The following GRID2IP variants were observed in gnomAD, a reference collection of about 807,000 sequenced individuals.
GRID2IP encodes the protein delphilin.
Under a neutral mutation model 114.3 loss-of-function variants are expected in GRID2IP, and 78 were observed. That is an observed-to-expected ratio of 0.68 (90% CI 0.57 to 0.82). The LOEUF is 0.82. Among genes scored for constraint, GRID2IP ranks in the 40% least tolerant of loss-of-function variants. The probability of loss-of-function intolerance (pLI) is 0.00; values close to 1 mark genes in which losing one functional copy is unlikely to be tolerated. For missense variants in GRID2IP, 1,727 were observed against 1,678.5 expected, an observed-to-expected ratio of 1.03 and a Z score of -0.51; for synonymous variants, 809 against 724.0, an observed-to-expected ratio of 1.12 and a Z score of -1.89.
intron 2 of GRID2IP, among the ~76,000 whole-genome samples, chr7:6,538,561 T>C (rs1009511146): frequency 1.1e-4 from 17 of 148,060 alleles, no homozygotes; most frequent in African/African-American, 4.0e-4. Context: ...AGCGAGACCC[T>C]GTCTCAAAAC....
In GRID2IP at chr7:6,521,793, T is replaced by C. The variant is rs1253316352; in HGVS notation, c.989+95A>G. The C allele has an allele frequency of 2.2e-6, 2 of 928,164 alleles. No individual in the cohort carries two copies. Among genetic ancestry groups the C allele is most frequent in the Non-Finnish European group, 3.4e-6 (2 of 591,816 alleles). The allele number at this position is 928,164 out of a possible 1,614,324, so 57.5% of individuals were successfully genotyped here. A position where few individuals can be genotyped will look rare whatever the true frequency, so the allele number is the denominator to read the frequency against. On this transcript the variant is annotated intron_variant, in intron 5 of 21. Coordinates refer to ENST00000457091, the MANE Select transcript of GRID2IP (RefSeq NM_001145118.2). This position sits in a 1 kb window ranked among gnomAD's most constrained non-coding sequence, Gnocchi z 4.1. ...CTGGGGACCAAATGGTGAGAGGAGA[T>C]TGTGATCACAGCCTGGGTGCCCCAA... is the stretch of plus-strand genomic sequence containing the variant.
In GRID2IP at chr7:6,511,122, T is replaced by A. The variant is rs567929755; in HGVS notation, c.1424-83A>T. 9 of 1,314,040 alleles carry A rather than the reference T, an allele frequency of 6.8e-6. No homozygotes were observed. In the African/African-American group the frequency reaches 1.2e-4, roughly 18 times the overall value. 81.4% of individuals were successfully genotyped at this position (1,314,040 alleles called of 1,614,324 possible). A position where few individuals can be genotyped will look rare whatever the true frequency, so the allele number is the denominator to read the frequency against. On this transcript the variant is annotated intron_variant, in intron 8 of 21. Transcript: ENST00000457091. ...TCCAAAACAGGGAGGGGAGGGCAGA[T>A]GTCATCTGCACCAATATGCAGACCC...
At chr7:6,539,245 C>T (rs1779777157) in intron 2 of GRID2IP, among the ~76,000 whole-genome samples, 1 of 152,052 alleles carries the variant, frequency 6.6e-6, no homozygotes, top group Admixed American at 6.6e-5. Context: ...CCTCCAGCCT[C>T]AGCCTCCCAA....
In GRID2IP at chr7:6,505,737, T is replaced by C. The variant is rs371028692; in HGVS notation, c.2632+83A>G. The C allele has an allele frequency of 1.9e-4, 166 of 851,938 alleles. No individual in the cohort carries two copies. The African/African-American group carries it at 2.4e-3, about 12-fold the overall frequency. The allele number at this position is 851,938 out of a possible 1,614,324, so 52.8% of individuals were successfully genotyped here. A position where few individuals can be genotyped will look rare whatever the true frequency, so the allele number is the denominator to read the frequency against. On this transcript the variant is annotated intron_variant, in intron 14 of 21. Coordinates refer to ENST00000457091, the MANE Select transcript of GRID2IP (RefSeq NM_001145118.2). ...ACGCATCAGGTTAAATAGTAGTCAG[T>C]GCAGCCCTGGGAGATGCTAAGCCTG...
chr7:6,512,373 C>G (rs1307480220), intron 8 of GRID2IP, among the ~76,000 whole-genome samples: 1 of 151,490 alleles, frequency 6.6e-6, no homozygotes, highest in Non-Finnish European at 1.5e-5. Flanking sequence ...AGGTGTGTGC[C>G]ACCACACCCA....
intron 7 of GRID2IP, among the ~76,000 whole-genome samples, 189 bp from the exon 8 acceptor site, chr7:6,514,718 G>A (rs141977101): frequency 2.3e-3 from 351 of 152,218 alleles, no homozygotes; most frequent in African/African-American, 7.9e-3. Flanking sequence ...TTGAGAGGCC[G>A]AGGCAGGTGG....
intron 9 of GRID2IP, 67 bp from the exon 10 acceptor site, chr7:6,510,773 TG>T (rs1430484963): frequency 2.7e-6 from 4 of 1,485,512 alleles, no homozygotes; most frequent in Non-Finnish European, 3.7e-6. Flanking sequence ...AGAACCAACA[TG>T]CCCCGCAGAC....
Position 6,506,053 on chromosome 7 carries a change from G to C in GRID2IP, c.2545-146C>G, listed in dbSNP as rs1786576221. Reference sequence around the variant, plus strand: ...TGGGATAAAGCCCGGAGCAGGAGGAGACTGCAGGAGAAGCCAGATCATCCG... The same window carrying C: ...TGGGATAAAGCCCGGAGCAGGAGGACACTGCAGGAGAAGCCAGATCATCCG... On this transcript the variant is annotated intron_variant, in intron 13 of 21. Coordinates refer to ENST00000457091, the MANE Select transcript of GRID2IP (RefSeq NM_001145118.2). The surrounding 1 kb of genome is among the most constrained non-coding windows in gnomAD (Gnocchi z 5.2). The C allele has an allele frequency of 3.2e-6, 2 of 620,084 alleles. No individual in the cohort carries two copies. Among genetic ancestry groups the C allele is most frequent in the African/African-American group, 1.8e-5 (1 of 54,402 alleles). 38.4% of individuals were successfully genotyped at this position (620,084 alleles called of 1,614,324 possible). A position where few individuals can be genotyped will look rare whatever the true frequency, so the allele number is the denominator to read the frequency against.
rs1786293315 is a variant in GRID2IP at position 6,497,693 on chromosome 7, C to T, written c.*81G>A. ...TGCTCAGAGCCCGGGGCACAGTGGC[C>T]CCGGACCTCGGCAGTGTCTGGGCTG... On this transcript the variant is annotated 3_prime_UTR_variant, in exon 22 of 22. Coordinates refer to ENST00000457091, the MANE Select transcript of GRID2IP (RefSeq NM_001145118.2). The T allele has an allele frequency of 1.9e-6, 2 of 1,069,258 alleles. No homozygotes were observed. The highest frequency in any genetic ancestry group is 2.4e-5 in the Admixed American group (1 of 41,074). The allele number at this position is 1,069,258 out of a possible 1,614,324, so 66.2% of individuals were successfully genotyped here. A position where few individuals can be genotyped will look rare whatever the true frequency, so the allele number is the denominator to read the frequency against.
Position 6,505,902 on chromosome 7 carries a change from C to T in GRID2IP, c.2550G>A (p.Gly850=), listed in dbSNP as rs1375881780. ...NSEGTIWGQL[G]EDSDYDKLSD... Reference sequence around the variant, plus strand: ...TCAGCTTATCGTAGTCAGAGTCTTCCCCGAGCTGCGAGGGAGGATGGGAGG... The same window carrying T: ...TCAGCTTATCGTAGTCAGAGTCTTCTCCGAGCTGCGAGGGAGGATGGGAGG... The change falls in exon 14 of 22, where the codon GGG becomes GGA. Residue 850 remains glycine (G), a synonymous_variant. Coordinates refer to ENST00000457091, the MANE Select transcript of GRID2IP (RefSeq NM_001145118.2). 1.9e-6 allele frequency: 3 copies of T among 1,551,170 alleles called. No individual in the cohort carries two copies. The highest frequency in any genetic ancestry group is 1.4e-5 in the African/African-American group (1 of 73,026).
Position 6,520,779 on chromosome 7 carries a change from G to A in GRID2IP, c.1085-18C>T, listed in dbSNP as rs773277243. The stretch of plus-strand genomic sequence containing the variant: ...ATCGGAGTCTGCTGGGACCACAGGC[G>A]GGAGAGGCATGAGTGACTCAGAGTC... On this transcript the variant is annotated intron_variant, in intron 6 of 21. Transcript: ENST00000457091. The surrounding 1 kb of genome is among the most constrained non-coding windows in gnomAD (Gnocchi z 4.6). The A allele has an allele frequency of 1.2e-5, 18 of 1,543,802 alleles. 1 individual carries two copies. Among genetic ancestry groups the A allele is most frequent in the African/African-American group, 8.2e-5 (6 of 72,924 alleles).
Position 6,536,761 on chromosome 7 carries a change from T to C in GRID2IP, c.584+2957A>G, listed in dbSNP as rs536766631. 2.9e-6 allele frequency: 2 copies of C among 701,158 alleles called. No individual in the cohort carries two copies. Among genetic ancestry groups the C allele is most frequent in the South Asian group, 3.0e-5 (2 of 67,532 alleles). The allele number at this position is 701,158 out of a possible 1,614,324, so 43.4% of individuals were successfully genotyped here. A position where few individuals can be genotyped will look rare whatever the true frequency, so the allele number is the denominator to read the frequency against. On this transcript the variant is annotated intron_variant, in intron 2 of 21. Transcript: ENST00000457091. The surrounding 1 kb of genome is among the most constrained non-coding windows in gnomAD (Gnocchi z 5.3). ...GCATCATCTCCGCGGCAAATTCGGC[T>C]CTAGAAATAACTTTTTTCCTTTTTT...
chr7:6,549,595 G>T (rs564093656), intron 1 of GRID2IP, among the ~76,000 whole-genome samples: 1 of 152,114 alleles, frequency 6.6e-6, no homozygotes, highest in Non-Finnish European at 1.5e-5. Flanking sequence ...TAGAACAGGC[G>T]GAATTCTTTT....
Position 6,506,054 on chromosome 7 carries a change from A to T in GRID2IP, c.2545-147T>A, listed in dbSNP as rs1786576272. 1.6e-6 allele frequency: 1 copy of T among 619,742 alleles called. No homozygotes were observed. Among genetic ancestry groups the T allele is most frequent in the East Asian group, 2.7e-5 (1 of 36,486 alleles). 38.4% of individuals were successfully genotyped at this position (619,742 alleles called of 1,614,324 possible). ...GGGATAAAGCCCGGAGCAGGAGGAG[A>T]CTGCAGGAGAAGCCAGATCATCCGA... is the stretch of plus-strand genomic sequence containing the variant. On this transcript the variant is annotated intron_variant, in intron 13 of 21. Coordinates refer to ENST00000457091, the MANE Select transcript of GRID2IP (RefSeq NM_001145118.2). This position sits in a 1 kb window ranked among gnomAD's most constrained non-coding sequence, Gnocchi z 5.2.
chr7:6,530,632 G>A (rs1219819693), intron 2 of GRID2IP, among the ~76,000 whole-genome samples: 1 of 152,008 alleles, frequency 6.6e-6, no homozygotes, highest in Non-Finnish European at 1.5e-5. Flanking sequence ...GGTGGCAAGG[G>A]GACAAGGGTT....
rs1015444282 is a variant in GRID2IP, at chr7:6,497,057, C to T, written c.*717G>A. ...CAGTTGGCCACCAGATCCTGCTCACCTCCTGCCTCAACACCTCCCCATTCT... is the reference window on the plus strand; with the variant it reads ...CAGTTGGCCACCAGATCCTGCTCACTTCCTGCCTCAACACCTCCCCATTCT... On this transcript the variant is annotated 3_prime_UTR_variant, in exon 22 of 22. Coordinates refer to ENST00000457091, the MANE Select transcript of GRID2IP (RefSeq NM_001145118.2). 3.3e-5 allele frequency among the ~76,000 whole-genome samples: 5 copies of T among 152,192 alleles called. No individual in the cohort carries two copies. The highest frequency in any genetic ancestry group is 9.7e-5 in the African/African-American group (4 of 41,428).
At position 6,508,237 on chromosome 7, in the gene GRID2IP, G is replaced by T. The variant is rs1786653789; in HGVS notation, c.2292C>A (p.Phe764Leu). ...TGCGGGAGCTGGGCTTAGCGTCATG[G>T]AAAGGCAGGGGTGGCGGTGGTGGGG... The part of the protein sequence containing the change: ...LSPPPPPPLP[F>L]HDAKPSSRSS... Residue 764 changes from phenylalanine to leucine, a missense_variant, in exon 13 of 22, where the codon TTC (phenylalanine) becomes TTA (leucine). Transcript: ENST00000457091. This position sits in a 1 kb window ranked among gnomAD's most constrained non-coding sequence, Gnocchi z 5.6. The T allele has an allele frequency of 1.6e-6, 2 of 1,264,778 alleles. No homozygotes were observed. Among genetic ancestry groups the T allele is most frequent in the Non-Finnish European group, 2.0e-6 (2 of 975,970 alleles). 78.3% of individuals were successfully genotyped at this position (1,264,778 alleles called of 1,614,324 possible).
chr7:6,523,541 G>T lies in GRID2IP; in HGVS notation c.920-1584C>A, dbSNP rs927066610. Among the ~76,000 whole-genome samples the T allele has an allele frequency of 6.6e-6, 1 of 152,080 alleles. No individual in the cohort carries two copies. Among genetic ancestry groups the T allele is most frequent in the East Asian group, 1.9e-4 (1 of 5,184 alleles). On this transcript the variant is annotated intron_variant, in intron 4 of 21. Coordinates refer to ENST00000457091, the MANE Select transcript of GRID2IP (RefSeq NM_001145118.2). This position sits in a 1 kb window ranked among gnomAD's most constrained non-coding sequence, Gnocchi z 4.5. ...AAGGCATGGGATCACTGGCTTGAAG[G>T]TTGGGTTGGGAAGAACAGCAGACCT...
intron 7 of GRID2IP, 70 bp from the exon 8 acceptor site, chr7:6,514,599 A>G: frequency 7.5e-7 from 1 of 1,331,394 alleles, no homozygotes; most frequent in Non-Finnish European, 9.9e-7. Context: ...GTGGGGGTAG[A>G]CAAGACGGCA....
Sources: gnomAD v4.1 joint callset for allele counts (sites outside exome capture counted in the v4.1 genomes callset) on GRCh38, gnomAD v4.1.1 for gene constraint, Gnocchi (gnomAD v3.1) non-coding constraint, MANE v1.5 for transcripts, NCBI Gene and HGNC (gene_info 2026-07-23, HGNC 2026-07-21) for gene names.